The following CREB5 variants were observed in gnomAD, a reference collection of about 807,000 sequenced individuals.
CREB5 encodes the protein cyclic AMP-responsive element-binding protein 5.
A neutral mutation model predicts 57.1 loss-of-function variants in CREB5; 19 were observed. That is an observed-to-expected ratio of 0.33 (90% CI 0.23 to 0.49). The LOEUF (loss-of-function observed/expected upper bound fraction) is 0.49, where lower values mean the gene tolerates loss of function less well. Ranked by LOEUF, CREB5 falls within the 20% of genes least tolerant of loss-of-function variation. CREB5 has a pLI of 0.99. For synonymous variants in CREB5, 238 were observed against 238.3 expected (o/e 1.00, Z 0.01); for missense variants, 579 against 671.6 (o/e 0.86, Z 1.52).
chr7:28,763,006 C>T (rs1390964448), intron 7 of CREB5, among the ~76,000 whole-genome samples: 2 of 152,096 alleles, frequency 1.3e-5, no homozygotes, highest in African/African-American at 2.4e-5. Flanking sequence ...CCAGACAAGA[C>T]ACAGATTTTC....
At chr7:28,557,779 C>T (rs1794935260) in intron 4 of CREB5, among the ~76,000 whole-genome samples, 1 of 152,128 alleles carries the variant, frequency 6.6e-6, no homozygotes, top group Admixed American at 6.5e-5. Flanking sequence ...TGTGTGCTCA[C>T]AGAATATCAA....
intron 1 of CREB5, among the ~76,000 whole-genome samples, chr7:28,370,171 A>G (rs1382019186): frequency 6.6e-6 from 1 of 152,242 alleles, no homozygotes; most frequent in East Asian, 1.9e-4. Flanking sequence ...TAGTGGAAAT[A>G]GGAGAGGCTC....
intron 1 of CREB5, among the ~76,000 whole-genome samples, chr7:28,406,325 C>T (rs113590528): frequency 3.3e-5 from 5 of 152,332 alleles, no homozygotes; most frequent in African/African-American, 1.2e-4. Flanking sequence ...TGCCCAGGAT[C>T]CAGCAACTAA....
chr7:28,731,309 G>C (rs1803613412), intron 7 of CREB5, among the ~76,000 whole-genome samples: 1 of 152,184 alleles, frequency 6.6e-6, no homozygotes, highest in East Asian at 1.9e-4. Flanking sequence ...ATTGATAAGA[G>C]AAGGGCTAGC....
At chr7:28,345,631 A>T (rs1479939216) in intron 1 of CREB5, among the ~76,000 whole-genome samples, 1 of 152,164 alleles carries the variant, frequency 6.6e-6, no homozygotes, top group Non-Finnish European at 1.5e-5. Context: ...AACTAGACAC[A>T]CTGTTCAAGG....
chr7:28,639,982 A>G (rs1798584173), intron 5 of CREB5, among the ~76,000 whole-genome samples: 1 of 152,174 alleles, frequency 6.6e-6, no homozygotes, highest in Non-Finnish European at 1.5e-5. Context: ...GTGTATGAGG[A>G]ATATAATCCC....
intron 5 of CREB5, among the ~76,000 whole-genome samples, chr7:28,662,267 T>C (rs1018478591): frequency 6.6e-6 from 1 of 152,198 alleles, no homozygotes; most frequent in Non-Finnish European, 1.5e-5. Flanking sequence ...ACACCTAACA[T>C]GGTTTGGACA....
chr7:28,577,567 G>T (rs931703755), intron 5 of CREB5, among the ~76,000 whole-genome samples: 1 of 152,198 alleles, frequency 6.6e-6, no homozygotes, highest in South Asian at 2.1e-4. Flanking sequence ...TTGCAGTTGA[G>T]TAAAGTAAGG....
At chr7:28,505,192 G>A (rs754913646) in intron 3 of CREB5, among the ~76,000 whole-genome samples, 2 of 124,126 alleles carry the variant, frequency 1.6e-5, no homozygotes, top group Non-Finnish European at 3.8e-5. Context: ...GCTCATGCAC[G>A]TGCACACACA....
intron 1 of CREB5, among the ~76,000 whole-genome samples, chr7:28,370,685 G>A (rs185826299): frequency 1.2e-3 from 187 of 152,234 alleles, no homozygotes; most frequent in African/African-American, 4.3e-3. Flanking sequence ...ATGTACGCAC[G>A]TGAACACATA....
intron 5 of CREB5, among the ~76,000 whole-genome samples, chr7:28,620,763 C>T (rs1201845952): frequency 1.3e-5 from 2 of 152,260 alleles, no homozygotes; most frequent in East Asian, 1.9e-4. Flanking sequence ...TAGTCAACCA[C>T]TTCAGAGTCA....
chr7:28,680,272 C>T (rs993305822), intron 5 of CREB5, among the ~76,000 whole-genome samples: 10 of 152,150 alleles, frequency 6.6e-5, no homozygotes, highest in Admixed American at 6.6e-5. Context: ...CACAGAGCCT[C>T]CAGGAAAGGC....
chr7:28,458,078 C>A (rs1283971570), intron 1 of CREB5, among the ~76,000 whole-genome samples: 1 of 152,144 alleles, frequency 6.6e-6, no homozygotes, highest in Non-Finnish European at 1.5e-5. Flanking sequence ...AGAACAGAGG[C>A]TCAGAAACGG....
chr7:28,463,907 C>G (rs1036732041), intron 1 of CREB5, among the ~76,000 whole-genome samples: 2 of 151,996 alleles, frequency 1.3e-5, no homozygotes, highest in African/African-American at 2.4e-5. Context: ...ATCTGGATAC[C>G]TTTTATTTCA....
intron 7 of CREB5, among the ~76,000 whole-genome samples, chr7:28,801,687 T>C (rs1554301182): frequency 1.3e-5 from 2 of 152,238 alleles, no homozygotes; most frequent in Non-Finnish European, 2.9e-5. Flanking sequence ...TGTTGCTGAC[T>C]TCATTGCAAA....
At chr7:28,471,366 G>A (rs1265803890) in intron 1 of CREB5, among the ~76,000 whole-genome samples, 1 of 151,924 alleles carries the variant, frequency 6.6e-6, no homozygotes. Flanking sequence ...CCCCTTTATT[G>A]AAAATGAGTT....
intron 7 of CREB5, among the ~76,000 whole-genome samples, chr7:28,789,142 A>C (rs1036909295): frequency 6.6e-6 from 1 of 152,198 alleles, no homozygotes; most frequent in African/African-American, 2.4e-5. Flanking sequence ...CTCAGAATAC[A>C]CAGAAACCAC....
At chr7:28,321,808 A>C (rs1785499712) in intron 1 of CREB5, among the ~76,000 whole-genome samples, 1 of 152,240 alleles carries the variant, frequency 6.6e-6, no homozygotes, top group South Asian at 2.1e-4. Flanking sequence ...AAGAATTTTC[A>C]ACATGATCAC....
At chr7:28,671,623 AGACGAATT>A (rs1426886460) in intron 5 of CREB5, among the ~76,000 whole-genome samples, 1 of 152,216 alleles carries the variant, frequency 6.6e-6, no homozygotes, top group Non-Finnish European at 1.5e-5. Flanking sequence ...AAACCAAGAA[AGACGAATT>A]GAGCCTTTCA....
Sources: allele counts gnomAD v4.1 joint callset (sites outside exome capture counted in the v4.1 genomes callset), GRCh38; gene constraint gnomAD v4.1.1; transcripts MANE v1.5; gene names NCBI Gene and HGNC (gene_info 2026-07-23, HGNC 2026-07-21).